Variants in VPS13B observed in about 807,000 individuals in gnomAD.
The protein encoded by VPS13B is intermembrane lipid transfer protein VPS13B.
VPS13B carries 285 observed loss-of-function variants against 426.4 expected under a neutral mutation model. The observed-to-expected ratio is 0.67, with a 90% CI of 0.61 to 0.74. The LOEUF is 0.74. VPS13B is among the 30% of genes least tolerant of loss of function. The pLI is 0.00. For synonymous variants in VPS13B, 1,676 were observed against 1,676.4 expected (o/e 1.00, Z 0.01); for missense variants, 4,537 against 4,782.6 (o/e 0.95, Z 1.51).
intron 24 of VPS13B, among the ~76,000 whole-genome samples, chr8:99,474,164 A>G (rs1376551112): frequency 1.3e-5 from 2 of 149,844 alleles, no homozygotes; most frequent in Non-Finnish European, 2.9e-5. Context: ...ACATTCTTCA[A>G]ACAATGGACT....
At chr8:99,694,528 C>T (rs1347762679) in intron 35 of VPS13B, among the ~76,000 whole-genome samples, 1 of 65,202 alleles carries the variant, frequency 1.5e-5, no homozygotes, top group African/African-American at 6.2e-5. Context: ...CTTCCTTACA[C>T]CTTATACAAA....
intron 19 of VPS13B, among the ~76,000 whole-genome samples, chr8:99,365,208 T>C (rs1812791263): frequency 6.6e-6 from 1 of 151,698 alleles, no homozygotes; most frequent in East Asian, 1.9e-4. Context: ...TTTGTTTACC[T>C]TTTCAAAAAA....
At chr8:99,703,934 A>AT (rs1832393626) in intron 36 of VPS13B, among the ~76,000 whole-genome samples, 1 of 152,096 alleles carries the variant, frequency 6.6e-6, no homozygotes, top group Admixed American at 6.5e-5. Flanking sequence ...CAGCCTCCAT[A>AT]TATGTAGATA....
At chr8:99,753,541 G>A (rs1810498833) in intron 39 of VPS13B, among the ~76,000 whole-genome samples, 1 of 152,146 alleles carries the variant, frequency 6.6e-6, no homozygotes, top group African/African-American at 2.4e-5. Flanking sequence ...TTTTAACTCA[G>A]AAGTTCTGAG....
At chr8:99,183,700 A>G (rs1705228177) in intron 16 of VPS13B, among the ~76,000 whole-genome samples, 1 of 152,164 alleles carries the variant, frequency 6.6e-6, no homozygotes. Context: ...TCATAAATGT[A>G]GTATTGAAGT....
intron 3 of VPS13B, among the ~76,000 whole-genome samples, chr8:99,059,907 A>T (rs1844086689): frequency 6.7e-6 from 1 of 149,212 alleles, no homozygotes; most frequent in African/African-American, 2.5e-5. Context: ...TAATTTTTGT[A>T]TTTTTTTTCG....
chr8:99,428,844 G>A lies in VPS13B; in HGVS notation c.3083-2693G>A, dbSNP rs188800824. On this transcript the variant is annotated intron_variant, in intron 21 of 61. Coordinates refer to ENST00000357162, the MANE Select transcript of VPS13B (RefSeq NM_152564.5). ...ACACATGCACACGTATGTTTATTGCGGCACTATTCACAATAGCAAAGACTT... is the reference window on the plus strand; with the variant it reads ...ACACATGCACACGTATGTTTATTGCAGCACTATTCACAATAGCAAAGACTT... 4.8e-3 allele frequency among the ~76,000 whole-genome samples: 734 copies of A among 152,086 alleles called. 2 individuals carry two copies. The highest frequency in any genetic ancestry group is 7.7e-3 in the Non-Finnish European group (524 of 67,984).
chr8:99,635,046 C>G (rs936798721), intron 33 of VPS13B, among the ~76,000 whole-genome samples: 1 of 151,948 alleles, frequency 6.6e-6, no homozygotes. Context: ...CCACCCCACC[C>G]TACCTCATCC....
At chr8:99,693,282 T>C (rs1469382158) in intron 35 of VPS13B, among the ~76,000 whole-genome samples, 2 of 150,122 alleles carry the variant, frequency 1.3e-5, no homozygotes, top group Middle Eastern at 3.5e-3. Context: ...TGAACATTGA[T>C]GCAAAAATCC....
chr8:99,467,425 C>T lies in VPS13B; in HGVS notation c.3457C>T (p.Pro1153Ser). The change falls in exon 24 of 62, where the codon CCT becomes TCT. Residue 1153 changes from proline to serine, a missense_variant. Physicochemically the swap from Pro to Ser is moderately conservative, Grantham distance 74 (BLOSUM62 -1). This residue lies in a region of VPS13B where 4,311 missense variants were observed against 4,474.3 expected (regional missense o/e 0.96). Coordinates refer to ENST00000357162, the MANE Select transcript of VPS13B (RefSeq NM_152564.5). ...RPILEEGDAF[P>S]WTISLHNFSI... ...ATCCCCTATATCAGGTGATGCTTTT[C>T]CTTGGACGATCAGCTTGCATAATTT... 1 of 1,613,630 alleles carries T rather than the reference C, an allele frequency of 6.2e-7. No individual in the cohort carries two copies. The highest frequency in any genetic ancestry group is 2.2e-5 in the East Asian group (1 of 44,860).
At chr8:99,102,858 C>A in intron 4 of VPS13B, 95 bp from the exon 5 acceptor site, 1 of 1,227,740 alleles carries the variant, frequency 8.1e-7, no homozygotes, top group Non-Finnish European at 1.2e-6. Context: ...AAATAATAAC[C>A]ACCTTTCTCA....
chr8:99,783,094 T>C (rs1812096104), intron 42 of VPS13B, among the ~76,000 whole-genome samples: 2 of 152,116 alleles, frequency 1.3e-5, no homozygotes, highest in Admixed American at 1.3e-4. Flanking sequence ...GTAGATTCTG[T>C]TTCCCAAGAT....
chr8:99,797,565 C>G (rs1812913573), intron 43 of VPS13B, among the ~76,000 whole-genome samples: 1 of 152,044 alleles, frequency 6.6e-6, no homozygotes, highest in South Asian at 2.1e-4. Context: ...AAAATATATG[C>G]CTCAATATAC....
chr8:99,177,559 A>G (rs1348866679), intron 16 of VPS13B, among the ~76,000 whole-genome samples: 1 of 152,204 alleles, frequency 6.6e-6, no homozygotes, highest in Non-Finnish European at 1.5e-5. Flanking sequence ...TATGTTAACA[A>G]GCAAGAGAGT....
At chr8:99,284,762 T>A (rs958522755) in intron 19 of VPS13B, among the ~76,000 whole-genome samples, 1 of 151,976 alleles carries the variant, frequency 6.6e-6, no homozygotes, top group Admixed American at 6.6e-5. Flanking sequence ...AGTCCCACTA[T>A]GTTGCCCAGG....
intron 2 of VPS13B, among the ~76,000 whole-genome samples, chr8:99,035,755 C>T (rs756888338): frequency 6.6e-6 from 1 of 152,302 alleles, no homozygotes; most frequent in Non-Finnish European, 1.5e-5. Context: ...ATATTATGTT[C>T]TGTAGCAGTT....
chr8:99,201,947 A>C (rs962404105), intron 17 of VPS13B, among the ~76,000 whole-genome samples: 1 of 152,230 alleles, frequency 6.6e-6, no homozygotes, highest in Non-Finnish European at 1.5e-5. Context: ...TAAAATAATG[A>C]AAATATGTTT....
chr8:99,111,462 C>T (rs1005934835), intron 6 of VPS13B, among the ~76,000 whole-genome samples, 183 bp downstream of exon 6: 8 of 151,396 alleles, frequency 5.3e-5, no homozygotes, highest in South Asian at 2.1e-4. Flanking sequence ...TTCTGTATAA[C>T]GTATTCTACT....
chr8:99,401,827 C>T (rs1193569658), intron 21 of VPS13B, among the ~76,000 whole-genome samples: 2 of 152,172 alleles, frequency 1.3e-5, no homozygotes, highest in African/African-American at 2.4e-5. Flanking sequence ...GATCGCGCCA[C>T]TGCACCCAAC....
Sources: gnomAD v4.1 joint callset for allele counts (sites outside exome capture counted in the v4.1 genomes callset) on GRCh38, gnomAD v4.1.1 for gene constraint, gnomAD v4.1.1 regional missense constraint, MANE v1.5 for transcripts, NCBI Gene and HGNC (gene_info 2026-07-23, HGNC 2026-07-21) for gene names.